Variants in GLCCI1 observed in about 807,000 individuals in gnomAD.
GLCCI1 encodes the protein glucocorticoid-induced transcript 1 protein.
GLCCI1 carries 24 observed loss-of-function variants against 52.2 expected under a neutral mutation model. That is an observed-to-expected ratio of 0.46 (90% CI 0.33 to 0.65). The LOEUF (loss-of-function observed/expected upper bound fraction) is 0.65, where lower values mean the gene tolerates loss of function less well. GLCCI1 is among the 30% of genes least tolerant of loss of function. GLCCI1 has a pLI of 0.02. For missense variants in GLCCI1, 704 were observed against 701.5 expected, an observed-to-expected ratio of 1.00 and a Z score of -0.04; for synonymous variants, 310 against 276.5, an observed-to-expected ratio of 1.12 and a Z score of -1.20.
intron 4 of GLCCI1, among the ~76,000 whole-genome samples, chr7:8,058,018 T>C (rs1782435955): frequency 6.6e-6 from 1 of 152,206 alleles, no homozygotes; most frequent in African/African-American, 2.4e-5. Flanking sequence ...TTTTTGAAGC[T>C]GGATTATGTG....
At chr7:8,050,193 A>T (rs1313960360) in intron 3 of GLCCI1, among the ~76,000 whole-genome samples, 1 of 152,102 alleles carries the variant, frequency 6.6e-6, no homozygotes, top group African/African-American at 2.4e-5. Flanking sequence ...AGATGTGCTT[A>T]CAGATGACCC....
chr7:8,074,012 GT>G (rs1159569109), intron 6 of GLCCI1, among the ~76,000 whole-genome samples: 2 of 152,180 alleles, frequency 1.3e-5, no homozygotes, highest in Non-Finnish European at 2.9e-5. Context: ...TTTTATATAT[GT>G]AACTATGCAC....
rs567039560 is a variant in GLCCI1 at position 8,026,136 on chromosome 7, G to A, written c.696+3567G>A. ...TATGATAATAGCACAAAGGAGTTAGGAAAAGGACATAAATTATAGTTTCTA... is the reference window on the plus strand; with the variant it reads ...TATGATAATAGCACAAAGGAGTTAGAAAAAGGACATAAATTATAGTTTCTA... On this transcript the variant is annotated intron_variant, in intron 3 of 7. Coordinates refer to ENST00000223145, the MANE Select transcript of GLCCI1 (RefSeq NM_138426.4). Among the ~76,000 whole-genome samples the A allele has an allele frequency of 1.2e-4, 19 of 152,244 alleles. 1 individual carries two copies. Among genetic ancestry groups the A allele is most frequent in the South Asian group, 4.1e-4 (2 of 4,826 alleles).
intron 6 of GLCCI1, among the ~76,000 whole-genome samples, chr7:8,076,113 C>T (rs575371603): frequency 6.6e-6 from 1 of 152,124 alleles, no homozygotes; most frequent in Non-Finnish European, 1.5e-5. Context: ...CTCTAGGGCT[C>T]TATTTCTTGA....
chr7:7,971,679 A>G (rs1055124546), intron 1 of GLCCI1, among the ~76,000 whole-genome samples: 4 of 152,224 alleles, frequency 2.6e-5, no homozygotes, highest in South Asian at 2.1e-4. Context: ...AAAAGGCTTA[A>G]TGGCCTAGGA....
chr7:8,076,716 A>G (rs1782883516), intron 6 of GLCCI1, among the ~76,000 whole-genome samples: 2 of 152,136 alleles, frequency 1.3e-5, no homozygotes, highest in African/African-American at 2.4e-5. Flanking sequence ...TATTTCACTT[A>G]ATTGTTTGTC....
intron 3 of GLCCI1, among the ~76,000 whole-genome samples, chr7:8,054,622 A>G (rs1211344311): frequency 6.6e-6 from 1 of 152,084 alleles, no homozygotes; most frequent in Non-Finnish European, 1.5e-5. Flanking sequence ...GGAATACATT[A>G]TATCTTTGTT....
Position 8,084,894 on chromosome 7 carries a change from C to T in GLCCI1, c.1178-3C>T. On this transcript the variant is annotated splice_region_variant and splice_polypyrimidine_tract_variant and intron_variant, in intron 6 of 7. Transcript: ENST00000223145. Reference sequence around the variant, plus strand: ...AGTTAATATAACTGCTTTAAATTTACAGACAGTGGGAGTAGCTCACCGTTA... The same window carrying T: ...AGTTAATATAACTGCTTTAAATTTATAGACAGTGGGAGTAGCTCACCGTTA... 6.2e-7 allele frequency: 1 copy of T among 1,611,768 alleles called. No homozygotes were observed. The highest frequency in any genetic ancestry group is 1.1e-5 in the South Asian group (1 of 90,488).
At chr7:8,082,097 T>C (rs991792253) in intron 6 of GLCCI1, among the ~76,000 whole-genome samples, 1 of 152,208 alleles carries the variant, frequency 6.6e-6, no homozygotes, top group Non-Finnish European at 1.5e-5. Flanking sequence ...ACTTCTCATC[T>C]TGAATCTCCT....
rs113865524 is a variant in GLCCI1 at position 7,993,275 on chromosome 7, T to C, written c.458-10633T>C. On this transcript the variant is annotated intron_variant, in intron 1 of 7. Coordinates refer to ENST00000223145, the MANE Select transcript of GLCCI1 (RefSeq NM_138426.4). ...CTAGTGCTCCCACTCTTCTTGTTTT[T>C]GTAAAATGACTTCTAAAAAAATTCT... 1.8e-3 allele frequency among the ~76,000 whole-genome samples: 268 copies of C among 152,324 alleles called. 2 individuals carry two copies. The highest frequency in any genetic ancestry group is 5.9e-3 in the African/African-American group (247 of 41,576).
At chr7:8,082,273 A>G (rs79430045) in intron 6 of GLCCI1, among the ~76,000 whole-genome samples, 6,498 of 152,292 alleles carry the variant, frequency 0.043, 447 homozygotes, top group African/African-American at 0.14. Context: ...AAGGCAAGAA[A>G]AAATATATAT....
chr7:7,976,563 C>G (rs1478318814), intron 1 of GLCCI1, among the ~76,000 whole-genome samples: 1 of 149,644 alleles, frequency 6.7e-6, no homozygotes, highest in Non-Finnish European at 1.5e-5. Flanking sequence ...AACTAGTAAC[C>G]CACGGTTGTG....
intron 2 of GLCCI1, among the ~76,000 whole-genome samples, chr7:8,005,806 G>C (rs38016): frequency 0.44 from 66,158 of 150,964 alleles, 14,734 homozygotes; most frequent in Middle Eastern, 0.52. Flanking sequence ...TGTTTGTTTT[G>C]TTTTTTTTGA....
intron 1 of GLCCI1, among the ~76,000 whole-genome samples, chr7:7,988,130 A>G (rs1780773808): frequency 6.6e-6 from 1 of 152,194 alleles, no homozygotes; most frequent in African/African-American, 2.4e-5. Flanking sequence ...ATATGGCCCC[A>G]AATCCCAAAA....
intron 2 of GLCCI1, among the ~76,000 whole-genome samples, chr7:8,013,364 G>A (rs1245340243): frequency 6.6e-6 from 1 of 151,798 alleles, no homozygotes; most frequent in African/African-American, 2.4e-5. Flanking sequence ...GCTGATTTGA[G>A]ATATTGTTAT....
At position 8,087,361 on chromosome 7, in the gene GLCCI1, T is replaced by C. The variant is rs1440114044; in HGVS notation, c.*823T>C. The C allele has an allele frequency of 6.6e-6, 1 of 152,656 alleles. No homozygotes were observed. Among genetic ancestry groups the C allele is most frequent in the Non-Finnish European group, 1.5e-5 (1 of 68,042 alleles). 9.5% of individuals were successfully genotyped at this position (152,656 alleles called of 1,614,324 possible). ...TTCAACATGTGTACATGTGGCTTTT[T>C]TAAAAGTTCAGGTGTTGCTCAGTAA... On this transcript the variant is annotated 3_prime_UTR_variant, in exon 8 of 8. Coordinates refer to ENST00000223145, the MANE Select transcript of GLCCI1 (RefSeq NM_138426.4).
At chr7:7,992,039 TA>T (rs1313123619) in intron 1 of GLCCI1, among the ~76,000 whole-genome samples, 4 of 144,818 alleles carry the variant, frequency 2.8e-5, no homozygotes, top group Non-Finnish European at 6.1e-5. Context: ...TATTAGAATT[TA>T]TTTTTTCTTT....
chr7:8,015,858 C>A (rs1479554421), intron 2 of GLCCI1, among the ~76,000 whole-genome samples: 1 of 152,094 alleles, frequency 6.6e-6, no homozygotes, highest in African/African-American at 2.4e-5. Flanking sequence ...TTTCCCATAC[C>A]CCCGTTACCC....
chr7:8,017,274 G>C (rs996565761), intron 2 of GLCCI1, among the ~76,000 whole-genome samples: 6 of 152,142 alleles, frequency 3.9e-5, no homozygotes, highest in African/African-American at 1.2e-4. Flanking sequence ...CACCTGTGTT[G>C]CTGATTTTCT....
Sources: allele counts gnomAD v4.1 joint callset (sites outside exome capture counted in the v4.1 genomes callset), GRCh38; gene constraint gnomAD v4.1.1; transcripts MANE v1.5; gene names NCBI Gene and HGNC (gene_info 2026-07-23, HGNC 2026-07-21).